The following RMDN2 variants were observed in gnomAD, a reference collection of about 807,000 sequenced individuals.
RMDN2 encodes regulator of microtubule dynamics protein 2.
RMDN2 carries 61 observed loss-of-function variants against 52.8 expected under a neutral mutation model. The observed-to-expected ratio is 1.16, with a 90% CI of 0.94 to 1.43. The LOEUF is 1.43. RMDN2 is among the 40% of genes most tolerant of loss of function. The pLI, the probability that RMDN2 is intolerant of heterozygous loss-of-function variation, is 0.00. For missense variants in RMDN2, 592 were observed against 475.3 expected (o/e 1.25, Z -2.28); for synonymous variants, 180 against 153.1 (o/e 1.18, Z -1.30).
chr2:37,997,334 C>T (rs115561753), intron 7 of RMDN2, 82 bp from the exon 8 acceptor site: 3 of 840,596 alleles, frequency 3.6e-6, no homozygotes, highest in Non-Finnish European at 6.2e-6. Context: ...ATACACATAA[C>T]ACACACACGT....
chr2:37,953,536 G>T lies in RMDN2; in HGVS notation c.453-20504G>T, dbSNP rs141442247. On this transcript the variant is annotated intron_variant, in intron 2 of 10. Transcript: ENST00000354545. ...ATGTCAGAATGTCCTTCCTTTTTAAGGCTGAATAATATTCCACTGTATGTA... is the reference window on the plus strand; with the variant it reads ...ATGTCAGAATGTCCTTCCTTTTTAATGCTGAATAATATTCCACTGTATGTA... Among the ~76,000 whole-genome samples, 163 of 152,082 alleles carry T rather than the reference G, an allele frequency of 1.1e-3. 3 individuals are homozygous for T. The East Asian group carries it at 0.027, about 25-fold the overall frequency.
At chr2:38,037,775 C>T (rs912849106) in intron 10 of RMDN2, among the ~76,000 whole-genome samples, 4 of 152,206 alleles carry the variant, frequency 2.6e-5, no homozygotes, top group East Asian at 1.9e-4. Context: ...AAGGATACTG[C>T]GTGAGCTTTA....
intron 2 of RMDN2, chr2:37,952,516 A>G (rs1668963180): frequency 2.3e-6 from 1 of 433,766 alleles, no homozygotes; most frequent in African/African-American, 2.0e-5. Flanking sequence ...TGAAAATAAC[A>G]TCAAGCCTTG....
intron 10 of RMDN2, among the ~76,000 whole-genome samples, chr2:38,035,419 C>T (rs1368696192): frequency 1.3e-5 from 2 of 152,020 alleles, no homozygotes; most frequent in African/African-American, 4.8e-5. Context: ...CAAATACCAA[C>T]AAGATTCTTT....
intron 5 of RMDN2, among the ~76,000 whole-genome samples, chr2:37,987,215 C>T (rs1304692360): frequency 6.6e-6 from 1 of 152,186 alleles, no homozygotes; most frequent in African/African-American, 2.4e-5. Context: ...ACACTATTTA[C>T]ATTAGCACCA....
chr2:37,939,145 GTTAT>G (rs889105919), intron 2 of RMDN2, among the ~76,000 whole-genome samples: 1 of 152,040 alleles, frequency 6.6e-6, no homozygotes, highest in African/African-American at 2.4e-5. Context: ...CCTTAATTTT[GTTAT>G]TTACTCAGTA....
intron 10 of RMDN2, among the ~76,000 whole-genome samples, chr2:38,033,534 C>T (rs573784909): frequency 6.6e-6 from 1 of 152,218 alleles, no homozygotes; most frequent in Non-Finnish European, 1.5e-5. Context: ...TTCACAACAC[C>T]ATCTATGTTT....
chr2:38,036,225 T>C (rs554869646), intron 10 of RMDN2: 3 of 152,326 alleles, frequency 2.0e-5, no homozygotes, highest in East Asian at 1.9e-4. Context: ...ACCAGAGGCA[T>C]GGTTCTGTGT....
chr2:37,988,598 G>A lies in RMDN2; in HGVS notation c.792-943G>A, dbSNP rs191284461. 5.8e-3 allele frequency among the ~76,000 whole-genome samples: 882 copies of A among 152,154 alleles called. 11 individuals carry two copies. The South Asian group carries it at 0.059, about 10-fold the overall frequency. On this transcript the variant is annotated intron_variant, in intron 5 of 10. Transcript: ENST00000354545. ...AATTATTCACTGTTTTTTTGTACTT[G>A]GAAGTTATGGATATTCATAGAAATG...
chr2:37,951,147 G>A (rs1030009247), intron 2 of RMDN2: 4 of 1,292,214 alleles, frequency 3.1e-6, no homozygotes, highest in African/African-American at 1.5e-5. Flanking sequence ...GACACCAAAA[G>A]GTGGATATTA....
At chr2:37,970,091 C>T (rs1671595534) in intron 2 of RMDN2, among the ~76,000 whole-genome samples, 1 of 152,106 alleles carries the variant, frequency 6.6e-6, no homozygotes, top group Non-Finnish European at 1.5e-5. Context: ...GGCCACTAAA[C>T]CCAGCTAATT....
At chr2:38,023,530 A>G (rs929117850) in intron 10 of RMDN2, among the ~76,000 whole-genome samples, 3 of 151,990 alleles carry the variant, frequency 2.0e-5, no homozygotes, top group Non-Finnish European at 4.4e-5. Flanking sequence ...CCCCTCCTCC[A>G]CAAGATAAGG....
chr2:37,976,895 AG>A (rs983686929), intron 4 of RMDN2, among the ~76,000 whole-genome samples: 6 of 146,508 alleles, frequency 4.1e-5, no homozygotes, highest in Admixed American at 2.1e-4. Flanking sequence ...TTTCTCGGAG[AG>A]GGGGATTTGG....
At position 37,989,623 on chromosome 2, in the gene RMDN2, CTT is replaced by C. The variant is rs112425530; in HGVS notation, c.867+18_867+19del. On this transcript the variant is annotated splice_region_variant and intron_variant, in intron 6 of 10. Transcript: ENST00000354545. The stretch of plus-strand genomic sequence containing the variant: ...CTATGGGCACCTCTTCAAGGTATTT[CTT>C]TTTTTTTTTTCATATTTCTTTTCAG... The C allele has an allele frequency of 1.3e-4, 163 of 1,286,224 alleles. No individual in the cohort carries two copies. Among genetic ancestry groups the C allele is most frequent in the Admixed American group, 3.3e-4 (15 of 45,582 alleles). 79.7% of individuals were successfully genotyped at this position (1,286,224 alleles called of 1,614,324 possible).
chr2:37,952,486 A>G (rs1318726049), intron 2 of RMDN2: 8 of 465,830 alleles, frequency 1.7e-5, no homozygotes, highest in African/African-American at 3.9e-5. Flanking sequence ...CTGAGTGACT[A>G]TTATAATACT....
chr2:37,944,942 C>G (rs536826529), intron 2 of RMDN2, among the ~76,000 whole-genome samples: 112 of 152,210 alleles, frequency 7.4e-4, no homozygotes, highest in Middle Eastern at 6.8e-3. Flanking sequence ...ATATCAAGAA[C>G]AAAACAAAGG....
chr2:37,951,007 T>C (rs1024366613), intron 2 of RMDN2, among the ~76,000 whole-genome samples: 4 of 152,088 alleles, frequency 2.6e-5, no homozygotes, highest in African/African-American at 9.7e-5. Context: ...GTAGGTACTG[T>C]GTAGGTAGAG....
intron 10 of RMDN2, among the ~76,000 whole-genome samples, chr2:38,061,371 G>A (rs1476486526): frequency 1.3e-5 from 2 of 152,196 alleles, no homozygotes; most frequent in Admixed American, 6.5e-5. Context: ...CTGATTATGG[G>A]CCAATGTCAT....
intron 2 of RMDN2, among the ~76,000 whole-genome samples, chr2:37,947,740 G>C (rs1283744716): frequency 6.6e-6 from 1 of 152,178 alleles, no homozygotes; most frequent in Non-Finnish European, 1.5e-5. Context: ...TTTTTCAATA[G>C]CTGAATTCAG....
Sources: gnomAD v4.1 joint callset for allele counts (sites outside exome capture counted in the v4.1 genomes callset) on GRCh38, gnomAD v4.1.1 for gene constraint, MANE v1.5 for transcripts, NCBI Gene and HGNC (gene_info 2026-07-23, HGNC 2026-07-21) for gene names.